The following NPAS3 variants were observed in gnomAD, a reference collection of about 807,000 sequenced individuals.
The protein encoded by NPAS3 is neuronal PAS domain-containing protein 3.
NPAS3 carries 14 observed loss-of-function variants against 73.1 expected under a neutral mutation model. That is an observed-to-expected ratio of 0.19 (90% CI 0.13 to 0.30). The LOEUF is 0.30. Ranked by LOEUF, NPAS3 falls within the 10% of genes least tolerant of loss-of-function variation. The pLI is 1.00. For missense variants in NPAS3, 1,096 were observed against 1,250.0 expected (o/e 0.88, Z 1.86); for synonymous variants, 620 against 541.5 (o/e 1.14, Z -2.01).
chr14:33,436,224 A>C (rs1354543683), intron 4 of NPAS3, among the ~76,000 whole-genome samples: 2 of 152,184 alleles, frequency 1.3e-5, no homozygotes, highest in African/African-American at 2.4e-5. Context: ...TCATGCCAGC[A>C]AGTCCTCCGC....
At chr14:33,095,659 TTTATTTTTTTA>T (rs1467804269) in intron 2 of NPAS3, among the ~76,000 whole-genome samples, 2 of 52,240 alleles carry the variant, frequency 3.8e-5, no homozygotes, top group African/African-American at 1.1e-4. Context: ...ATTCTCTGCT[TTTATTTTTTTA>T]TTTTTTTTTT....
intron 1 of NPAS3, among the ~76,000 whole-genome samples, chr14:32,981,137 A>AT (rs748538554): frequency 2.0e-3 from 301 of 152,260 alleles, no homozygotes; most frequent in African/African-American, 7.0e-3. Flanking sequence ...ATTTCTCCTC[A>AT]TACCATGGAG....
At position 33,003,746 on chromosome 14, in the gene NPAS3, C is replaced by A. The variant is rs371595865; in HGVS notation, c.51-52159C>A. 7.9e-5 allele frequency among the ~76,000 whole-genome samples: 12 copies of A among 152,222 alleles called. No homozygotes were observed. The South Asian group carries it at 2.3e-3, about 29-fold the overall frequency. ...AATAGGGGAAAATACAAAGCATTGT[C>A]CCTTACATTTTAATTTTAATTTTCA... is the stretch of plus-strand genomic sequence containing the variant. On this transcript the variant is annotated intron_variant, in intron 1 of 11. Transcript: ENST00000356141.
intron 5 of NPAS3, among the ~76,000 whole-genome samples, chr14:33,646,668 A>G (rs1203411720): frequency 6.6e-6 from 1 of 152,190 alleles, no homozygotes; most frequent in Non-Finnish European, 1.5e-5. Flanking sequence ...TGAATAGTCC[A>G]TCAAAACTGT....
At chr14:33,587,103 C>T (rs1368687784) in intron 5 of NPAS3, among the ~76,000 whole-genome samples, 2 of 152,150 alleles carry the variant, frequency 1.3e-5, no homozygotes, top group Non-Finnish European at 2.9e-5. Flanking sequence ...TGTATTTCCC[C>T]TACATATAGT....
chr14:33,392,260 C>A (rs993050777), intron 4 of NPAS3, among the ~76,000 whole-genome samples: 5 of 152,058 alleles, frequency 3.3e-5, no homozygotes, highest in African/African-American at 1.2e-4. Context: ...CAAATATAAG[C>A]CAGAAGGAAA....
At chr14:33,086,906 G>A (rs1427452276) in intron 2 of NPAS3, among the ~76,000 whole-genome samples, 10 of 151,892 alleles carry the variant, frequency 6.6e-5, no homozygotes, top group Admixed American at 6.6e-4. Context: ...GGCATTACCT[G>A]AAAATAGAGC....
chr14:33,174,646 G>T (rs1425299142), intron 2 of NPAS3, among the ~76,000 whole-genome samples: 1 of 152,116 alleles, frequency 6.6e-6, no homozygotes, highest in African/African-American at 2.4e-5. Flanking sequence ...TTGCTTACCT[G>T]GTCCAGGAGT....
At chr14:33,778,639 T>C (rs1001112202) in intron 9 of NPAS3, 67 bp downstream of exon 9, 67 of 1,051,752 alleles carry the variant, frequency 6.4e-5, no homozygotes, top group Non-Finnish European at 9.8e-5. Context: ...TTGTTTGGTT[T>C]CAGTGCTGAT....
chr14:33,521,029 T>C (rs1234842582), intron 4 of NPAS3, among the ~76,000 whole-genome samples: 5 of 152,146 alleles, frequency 3.3e-5, no homozygotes, highest in Non-Finnish European at 1.5e-5. Flanking sequence ...AATTCCAGCT[T>C]TTTCCTGTGC....
At chr14:33,464,232 C>T (rs537217801) in intron 4 of NPAS3, among the ~76,000 whole-genome samples, 2 of 152,268 alleles carry the variant, frequency 1.3e-5, no homozygotes, top group South Asian at 2.1e-4. Context: ...TACATGTTGG[C>T]CCCTAGTTCC....
At chr14:33,774,790 G>A (rs188599878) in intron 8 of NPAS3, among the ~76,000 whole-genome samples, 8 of 152,312 alleles carry the variant, frequency 5.3e-5, no homozygotes, top group African/African-American at 1.9e-4. Flanking sequence ...CATTTTGGCT[G>A]AGAACCCAAG....
At chr14:33,032,768 C>G (rs1283588174) in intron 1 of NPAS3, among the ~76,000 whole-genome samples, 1 of 152,216 alleles carries the variant, frequency 6.6e-6, no homozygotes, top group African/African-American at 2.4e-5. Flanking sequence ...TTCTCCACAC[C>G]CTTCCAGTGC....
In NPAS3 at chr14:33,800,773, G is replaced by A; in HGVS notation, c.2466G>A (p.Arg822=). The change falls in exon 12 of 12, where the codon AGG becomes AGA. Residue 822 remains arginine (R), a synonymous_variant. Transcript: ENST00000356141. This position sits in a 1 kb window ranked among gnomAD's most constrained non-coding sequence, Gnocchi z 6.5. The stretch of plus-strand genomic sequence containing the variant: ...CCGCCACCAGCACGGCCGCGCAGAG[G>A]GTCTACACCACGGGCACCATCCGCT... The A allele has an allele frequency of 1.9e-6, 3 of 1,578,652 alleles. No homozygotes were observed. Among genetic ancestry groups the A allele is most frequent in the Non-Finnish European group, 2.6e-6 (3 of 1,163,798 alleles).
At chr14:33,578,286 T>C (rs1442608446) in intron 5 of NPAS3, 4 of 452,426 alleles carry the variant, frequency 8.8e-6, no homozygotes. Context: ...CTCCACCTCC[T>C]GGGTTCAAGT....
At chr14:33,036,599 T>G (rs1399943227) in intron 1 of NPAS3, among the ~76,000 whole-genome samples, 1 of 152,202 alleles carries the variant, frequency 6.6e-6, no homozygotes, top group Admixed American at 6.6e-5. Flanking sequence ...AAACAGAGAT[T>G]TTCTTAAAGG....
chr14:33,186,615 T>C (rs1180888024), intron 2 of NPAS3, among the ~76,000 whole-genome samples: 1 of 152,204 alleles, frequency 6.6e-6, no homozygotes, highest in African/African-American at 2.4e-5. Context: ...ACCTCCAGTG[T>C]TTTCTGTCTC....
At chr14:33,464,544 C>T (rs925088370) in intron 4 of NPAS3, among the ~76,000 whole-genome samples, 5 of 152,184 alleles carry the variant, frequency 3.3e-5, no homozygotes, top group Non-Finnish European at 7.3e-5. Context: ...AGATCGACCC[C>T]TCCTAATTTT....
chr14:33,470,457 A>G (rs1269407664), intron 4 of NPAS3, among the ~76,000 whole-genome samples: 1 of 152,316 alleles, frequency 6.6e-6, no homozygotes, highest in African/African-American at 2.4e-5. Flanking sequence ...GTATTGAACC[A>G]TAGGCTTAAC....
Sources: allele counts gnomAD v4.1 joint callset (sites outside exome capture counted in the v4.1 genomes callset), GRCh38; gene constraint gnomAD v4.1.1; non-coding constraint Gnocchi (gnomAD v3.1); transcripts MANE v1.5; gene names NCBI Gene and HGNC (gene_info 2026-07-23, HGNC 2026-07-21).